The following ZNF521 variants were observed in gnomAD, a reference collection of about 807,000 sequenced individuals.
ZNF521 encodes the protein LYST-interacting protein 3.
A neutral mutation model predicts 105.5 loss-of-function variants in ZNF521; 14 were observed. The ratio of observed to expected loss-of-function variants is 0.13; its 90% CI spans 0.09 to 0.21. The LOEUF (loss-of-function observed/expected upper bound fraction) is 0.21, where lower values mean the gene tolerates loss of function less well. Ranked by LOEUF, ZNF521 falls within the 10% of genes least tolerant of loss-of-function variation. The pLI is 1.00. For missense variants in ZNF521, 1,233 were observed against 1,629.7 expected, an observed-to-expected ratio of 0.76 and a Z score of 4.19; for synonymous variants, 635 against 606.0, an observed-to-expected ratio of 1.05 and a Z score of -0.70.
chr18:25,296,121 C>A (rs746203479), intron 3 of ZNF521, among the ~76,000 whole-genome samples: 32 of 152,116 alleles, frequency 2.1e-4, no homozygotes, highest in Admixed American at 7.2e-4. Context: ...GTTTCAATGG[C>A]CCTAGTCAAT....
intron 3 of ZNF521, among the ~76,000 whole-genome samples, chr18:25,272,409 A>G (rs145516752): frequency 1.3e-5 from 2 of 152,076 alleles, no homozygotes; most frequent in Non-Finnish European, 2.9e-5. Flanking sequence ...ATCCCATTAC[A>G]AGGTATATAC....
intron 5 of ZNF521, among the ~76,000 whole-genome samples, chr18:25,164,681 T>TATGTGTG (rs1491402355): frequency 1.3e-5 from 2 of 152,206 alleles, no homozygotes; most frequent in East Asian, 3.9e-4. Context: ...TGGGTCAGAC[T>TATGTGTG]ATGTGTGAAA....
chr18:25,174,984 G>A (rs1007404126), intron 5 of ZNF521, among the ~76,000 whole-genome samples: 1 of 152,092 alleles, frequency 6.6e-6, no homozygotes, highest in Admixed American at 6.5e-5. Context: ...AAGGTCCAGC[G>A]GTAAAAGCGA....
rs560513602 is a variant in ZNF521, at chr18:25,130,790, A to G, written c.3659-38709T>C. Among the ~76,000 whole-genome samples, 24 of 152,170 alleles carry G rather than the reference A, an allele frequency of 1.6e-4. No homozygotes were observed. The East Asian group carries it at 3.5e-3, about 22-fold the overall frequency. ...AGACCCCATCTCTACAAAAAATTCA[A>G]TAATTAGCCAGGTGTTGTGGTGCAT... On this transcript the variant is annotated intron_variant, in intron 5 of 7. Transcript: ENST00000361524.
chr18:25,129,578 A>G (rs1480432120), intron 5 of ZNF521, among the ~76,000 whole-genome samples: 3 of 152,116 alleles, frequency 2.0e-5, no homozygotes, highest in Non-Finnish European at 4.4e-5. Flanking sequence ...ATTTGCAAAC[A>G]CATGTCTGAT....
At chr18:25,322,379 A>G in intron 2 of ZNF521, 192 bp from the exon 3 acceptor site, 1 of 721,794 alleles carries the variant, frequency 1.4e-6, no homozygotes, top group Non-Finnish European at 2.5e-6. Context: ...TGACTATCAA[A>G]GGCCTTCTTC....
chr18:25,095,769 A>C (rs1252677123), intron 5 of ZNF521, among the ~76,000 whole-genome samples: 6 of 152,234 alleles, frequency 3.9e-5, no homozygotes, highest in Non-Finnish European at 7.3e-5. Flanking sequence ...TATTCTAGCC[A>C]CGTATGTACA....
intron 2 of ZNF521, among the ~76,000 whole-genome samples, chr18:25,332,567 T>C (rs2145180762): frequency 1.3e-5 from 2 of 152,230 alleles, no homozygotes; most frequent in East Asian, 3.9e-4. Context: ...AAATAGATCA[T>C]TATTGATTTA....
At chr18:25,173,612 T>C (rs551852579) in intron 5 of ZNF521, among the ~76,000 whole-genome samples, 39 of 152,300 alleles carry the variant, frequency 2.6e-4, no homozygotes, top group Middle Eastern at 6.8e-3. Flanking sequence ...TTGTATAAAG[T>C]GTTTTAGATT....
intron 7 of ZNF521, chr18:25,082,565 A>G (rs1007850260): frequency 1.1e-5 from 5 of 447,230 alleles, no homozygotes; most frequent in African/African-American, 1.0e-4. Context: ...GCCTGGTGTG[A>G]TGGCTCACGC....
At chr18:25,085,340 G>C (rs1250295279) in intron 7 of ZNF521, among the ~76,000 whole-genome samples, 1 of 151,610 alleles carries the variant, frequency 6.6e-6, no homozygotes, top group Non-Finnish European at 1.5e-5. Context: ...AAGGTTTATG[G>C]GTTGTGTGAT....
intron 4 of ZNF521, among the ~76,000 whole-genome samples, chr18:25,223,599 A>G (rs558947457): frequency 2.0e-5 from 3 of 152,160 alleles, no homozygotes; most frequent in Non-Finnish European, 2.9e-5. Context: ...CTACTAAGAA[A>G]TGATGACTTA....
At chr18:25,127,519 T>A (rs2034559757) in intron 5 of ZNF521, among the ~76,000 whole-genome samples, 1 of 152,030 alleles carries the variant, frequency 6.6e-6, no homozygotes, top group Admixed American at 6.6e-5. Flanking sequence ...AAGGAGAATT[T>A]ATGCAACTTG....
At chr18:25,205,112 A>G (rs908752019) in intron 4 of ZNF521, among the ~76,000 whole-genome samples, 7 of 147,750 alleles carry the variant, frequency 4.7e-5, no homozygotes, top group African/African-American at 1.8e-4. Context: ...GAGGATGAAT[A>G]ACAGACTAAA....
chr18:25,071,199 G>C (rs925642794), intron 7 of ZNF521, among the ~76,000 whole-genome samples: 5 of 152,188 alleles, frequency 3.3e-5, no homozygotes, highest in African/African-American at 1.2e-4. Context: ...AGACTGTACT[G>C]CAGTAAATAT....
At chr18:25,135,472 A>G (rs555315956) in intron 5 of ZNF521, among the ~76,000 whole-genome samples, 18 of 152,192 alleles carry the variant, frequency 1.2e-4, no homozygotes, top group Admixed American at 1.0e-3. Context: ...GGTTTGCTAC[A>G]CAAGCCACAG....
rs148052020 is a variant in ZNF521 at position 25,251,081 on chromosome 18, A to G, written c.221-23384T>C. ...AATATTATTTCCCATGTAAGCCTTTAAAAGGACCTACCTGTTCTCAAAACT... is the reference window on the plus strand; with the variant it reads ...AATATTATTTCCCATGTAAGCCTTTGAAAGGACCTACCTGTTCTCAAAACT... On this transcript the variant is annotated intron_variant, in intron 3 of 7. Transcript: ENST00000361524. Among the ~76,000 whole-genome samples, 3 of 152,296 alleles carry G rather than the reference A, an allele frequency of 2.0e-5. No homozygotes were observed. The East Asian group carries it at 5.8e-4, about 29-fold the overall frequency.
In ZNF521 at chr18:25,262,983, G is replaced by C. The variant is rs1436573572; in HGVS notation, c.221-35286C>G. Among the ~76,000 whole-genome samples, 3 of 152,318 alleles carry C rather than the reference G, an allele frequency of 2.0e-5. No homozygotes were observed. The East Asian group carries it at 5.8e-4, about 29-fold the overall frequency. Reference sequence around the variant, plus strand: ...CCACTGGTGAGTAACTGTGAAGCAGGACAGAGCACAGAGTACTAGAAACGG... The same window carrying C: ...CCACTGGTGAGTAACTGTGAAGCAGCACAGAGCACAGAGTACTAGAAACGG... On this transcript the variant is annotated intron_variant, in intron 3 of 7. Coordinates refer to ENST00000361524, the MANE Select transcript of ZNF521 (RefSeq NM_015461.3).
chr18:25,285,357 G>T (rs2145005383), intron 3 of ZNF521, among the ~76,000 whole-genome samples: 1 of 152,312 alleles, frequency 6.6e-6, no homozygotes, highest in East Asian at 1.9e-4. Flanking sequence ...TCCAGCAATA[G>T]AAATCTGCTG....
Sources: gnomAD v4.1 joint callset for allele counts (sites outside exome capture counted in the v4.1 genomes callset) on GRCh38, gnomAD v4.1.1 for gene constraint, MANE v1.5 for transcripts, NCBI Gene and HGNC (gene_info 2026-07-23, HGNC 2026-07-21) for gene names.